CHFR: variants seen among roughly 807,000 people sequenced by gnomAD.
The protein encoded by CHFR is E3 ubiquitin-protein ligase CHFR.
In CHFR, 57 loss-of-function variants were observed where a neutral mutation model predicts 87.6. The ratio of observed to expected loss-of-function variants is 0.65; its 90% CI spans 0.53 to 0.81. CHFR has a LOEUF of 0.81. CHFR is among the 30% of genes least tolerant of loss of function. The probability of loss-of-function intolerance (pLI) is 0.00; values close to 1 mark genes in which losing one functional copy is unlikely to be tolerated. For missense variants in CHFR, 797 were observed against 865.8 expected, an observed-to-expected ratio of 0.92 and a Z score of 1.00; for synonymous variants, 381 against 359.2, an observed-to-expected ratio of 1.06 and a Z score of -0.69.
chr12:132,860,730 T>C (rs1334768413), intron 7 of CHFR, among the ~76,000 whole-genome samples: 6 of 152,268 alleles, frequency 3.9e-5, no homozygotes, highest in African/African-American at 1.4e-4. Context: ...ATTATTGTCC[T>C]ACCAGGACAG....
chr12:132,876,585 G>A (rs563228075), intron 3 of CHFR, among the ~76,000 whole-genome samples: 1 of 152,172 alleles, frequency 6.6e-6, no homozygotes, highest in African/African-American at 2.4e-5. Flanking sequence ...TTGATTTGAG[G>A]GAAAGAAATC....
intron 7 of CHFR, 100 bp downstream of exon 7, chr12:132,861,367 C>G: frequency 8.0e-7 from 1 of 1,250,712 alleles, no homozygotes. Flanking sequence ...CCACATGCCC[C>G]TGCAGGAAGC....
chr12:132,870,049 A>C (rs1242003254), intron 5 of CHFR, among the ~76,000 whole-genome samples: 2 of 152,192 alleles, frequency 1.3e-5, no homozygotes, highest in East Asian at 3.9e-4. Context: ...TCTCTACTAA[A>C]AATATAAAAA....
At chr12:132,844,376 C>A (rs1194578130) in intron 15 of CHFR, among the ~76,000 whole-genome samples, 1 of 152,160 alleles carries the variant, frequency 6.6e-6, no homozygotes. Context: ...GCTCCGCCTC[C>A]CGGGTTCACG....
Position 132,837,443 on chromosome 12 carries a change from G to A in CHFR, c.*4111C>T, listed in dbSNP as rs1464853467. ...GGCCCATTCCAACCAGGCCAACTGA[G>A]CTGAGTGGGTAAGGCTGGAAGGGGT... On this transcript the variant is annotated 3_prime_UTR_variant, in exon 18 of 18. Transcript: ENST00000450056. 2.6e-5 allele frequency: 4 copies of A among 154,692 alleles called. No individual in the cohort carries two copies. Among genetic ancestry groups the A allele is most frequent in the Non-Finnish European group, 5.7e-5 (4 of 69,700 alleles). 9.6% of individuals were successfully genotyped at this position (154,692 alleles called of 1,614,324 possible). A position where few individuals can be genotyped will look rare whatever the true frequency, so the allele number is the denominator to read the frequency against.
At chr12:132,878,443 T>C (rs1951682013) in intron 2 of CHFR, among the ~76,000 whole-genome samples, 1 of 151,390 alleles carries the variant, frequency 6.6e-6, no homozygotes, top group Middle Eastern at 3.4e-3. Flanking sequence ...CACTCCAGCC[T>C]TGGCGACAGA....
At chr12:132,878,735 G>C (rs988681576) in intron 2 of CHFR, among the ~76,000 whole-genome samples, 1 of 149,520 alleles carries the variant, frequency 6.7e-6, no homozygotes. Flanking sequence ...CAGGAGAATG[G>C]CGAGAACCCG....
intron 6 of CHFR, chr12:132,862,471 G>A (rs556171602): frequency 2.0e-5 from 9 of 445,162 alleles, no homozygotes; most frequent in South Asian, 1.3e-4. Flanking sequence ...AGGCGTGACA[G>A]TACGAGCATA....
intron 11 of CHFR, among the ~76,000 whole-genome samples, chr12:132,852,701 A>T (rs1028848276): frequency 2.6e-5 from 4 of 152,218 alleles, no homozygotes; most frequent in African/African-American, 9.6e-5. Flanking sequence ...GTGGATGGGC[A>T]TCCATACCAA....
chr12:132,859,330 C>A (rs528150645), intron 7 of CHFR, 103 bp from the exon 8 acceptor site: 9 of 1,128,532 alleles, frequency 8.0e-6, no homozygotes, highest in African/African-American at 3.2e-5. Context: ...TTCTAACTGT[C>A]GTAACCGAGA....
chr12:132,848,833 G>C, intron 12 of CHFR, 109 bp from the exon 13 acceptor site: 4 of 826,060 alleles, frequency 4.8e-6, no homozygotes, highest in Non-Finnish European at 7.8e-6. Flanking sequence ...ACATTGTTCA[G>C]GAGGGGTCTC....
At chr12:132,876,149 C>CTGCA (rs768876353) in intron 3 of CHFR, among the ~76,000 whole-genome samples, 70 of 150,652 alleles carry the variant, frequency 4.6e-4, no homozygotes, top group Non-Finnish European at 7.5e-4. Context: ...GCACTTCAGC[C>CTGCA]TGCAACACAG....
intron 2 of CHFR, among the ~76,000 whole-genome samples, chr12:132,884,434 A>G (rs982156578): frequency 2.6e-5 from 4 of 150,956 alleles, no homozygotes; most frequent in African/African-American, 7.3e-5. Flanking sequence ...AAATACATAT[A>G]TATATATAAA....
rs770024903 is a variant in CHFR at position 132,859,180 on chromosome 12, T to C, written c.799A>G (p.Arg267Gly). 1 of 1,614,040 alleles carries C rather than the reference T, an allele frequency of 6.2e-7. No individual in the cohort carries two copies. The highest frequency in any genetic ancestry group is 1.1e-5 in the South Asian group (1 of 91,046). Reference protein sequence around the residue: ...NGQLLVAQPRRNAQTVHEDVR... With the variant: ...NGQLLVAQPRGNAQTVHEDVR... ...TCCTCGTGGACGGTTTGGGCATTTCTACGCGGTTGTGCGACCAACAACTGC... is the reference window on the plus strand; with the variant it reads ...TCCTCGTGGACGGTTTGGGCATTTCCACGCGGTTGTGCGACCAACAACTGC... The change falls in exon 8 of 18, where the codon AGA (arginine) becomes GGA (glycine). Residue 267 changes from arginine to glycine, a missense_variant. Physicochemically the swap from Arg to Gly is moderately radical, Grantham distance 125 (BLOSUM62 -2). This residue lies in a region of CHFR where 597 missense variants were observed against 601.2 expected (regional missense o/e 0.99). Transcript: ENST00000450056.
intron 5 of CHFR, 57 bp from the exon 6 acceptor site, chr12:132,869,855 A>C (rs1458183484): frequency 6.5e-7 from 1 of 1,539,554 alleles, no homozygotes; most frequent in Non-Finnish European, 8.8e-7. Context: ...AAAGGAGCAG[A>C]AGCAGCACAC....
At chr12:132,877,729 A>C (rs1951661683) in intron 2 of CHFR, 75 bp from the exon 3 acceptor site, 2 of 859,278 alleles carry the variant, frequency 2.3e-6, no homozygotes, top group Non-Finnish European at 1.8e-6. Flanking sequence ...TGTTTACCAA[A>C]GTATGTGGTT....
At chr12:132,885,957 T>G (rs761783455) in intron 2 of CHFR, among the ~76,000 whole-genome samples, 3 of 152,212 alleles carry the variant, frequency 2.0e-5, no homozygotes, top group Non-Finnish European at 4.4e-5. Flanking sequence ...CTAAATACTT[T>G]CAAAGTTGTA....
intron 11 of CHFR, 120 bp downstream of exon 11, chr12:132,853,311 C>G: frequency 8.8e-7 from 1 of 1,135,658 alleles, no homozygotes; most frequent in Non-Finnish European, 1.2e-6. Context: ...GGCCAGGGCC[C>G]AAAGGGGGCG....
chr12:132,862,151 T>C (rs369908385), intron 6 of CHFR, among the ~76,000 whole-genome samples: 1 of 151,860 alleles, frequency 6.6e-6, no homozygotes, highest in Non-Finnish European at 1.5e-5. Flanking sequence ...GGCGAGTGCA[T>C]GTAGTCCCAG....
Sources: allele counts gnomAD v4.1 joint callset (sites outside exome capture counted in the v4.1 genomes callset), GRCh38; gene constraint gnomAD v4.1.1; regional missense constraint gnomAD v4.1.1; transcripts MANE v1.5; gene names NCBI Gene and HGNC (gene_info 2026-07-23, HGNC 2026-07-21).